The following CEP164 variants were observed in gnomAD, a reference collection of about 807,000 sequenced individuals.
CEP164 encodes the protein centrosomal protein of 164 kDa.
In CEP164, 162 loss-of-function variants were observed where a neutral mutation model predicts 182.7. The observed-to-expected ratio is 0.89, with a 90% confidence interval of 0.78 to 1.01. The LOEUF (loss-of-function observed/expected upper bound fraction) is 1.01, where lower values mean the gene tolerates loss of function less well. Ranked by LOEUF, CEP164 falls within the 50% of genes least tolerant of loss-of-function variation. The pLI is 0.00. For missense variants in CEP164, 1,735 were observed against 1,790.4 expected (o/e 0.97, Z 0.56); for synonymous variants, 661 against 690.0 (o/e 0.96, Z 0.66).
At chr11:117,346,324 A>G (rs1277204792) in intron 4 of CEP164, among the ~76,000 whole-genome samples, 1 of 151,354 alleles carries the variant, frequency 6.6e-6, no homozygotes, top group Non-Finnish European at 1.5e-5. Context: ...GCTGGAGTGC[A>G]ATGGCGCAAT....
intron 8 of CEP164, among the ~76,000 whole-genome samples, chr11:117,367,817 A>G (rs1276184775): frequency 6.6e-6 from 1 of 152,134 alleles, no homozygotes; most frequent in Non-Finnish European, 1.5e-5. Flanking sequence ...GGGAATCTCT[A>G]CCTGTGTCCT....
intron 3 of CEP164, among the ~76,000 whole-genome samples, chr11:117,341,044 C>G: frequency 6.6e-6 from 1 of 152,186 alleles, no homozygotes; most frequent in East Asian, 1.9e-4. Context: ...TCAGGCTGGT[C>G]TTGAACTCTT....
At position 117,409,883 on chromosome 11, in the gene CEP164, A is replaced by G. The variant is rs779287614; in HGVS notation, c.4014A>G (p.Ser1338=). ...TPTSTQWAWD[S]GQGPRLPSSV... ...CGTCCACCCAATGGGCCTGGGATTC[A>G]GGGCAGGGGCCCAGGCTCCCCTCCT... Residue 1338 remains serine, a synonymous_variant, in exon 30 of 33, where the codon TCA becomes TCG. Transcript: ENST00000278935. This position sits in a 1 kb window ranked among gnomAD's most constrained non-coding sequence, Gnocchi z 4.4. The G allele has an allele frequency of 1.2e-6, 2 of 1,605,174 alleles. No homozygotes were observed. Among genetic ancestry groups the G allele is most frequent in the Non-Finnish European group, 8.5e-7 (1 of 1,179,122 alleles).
intron 26 of CEP164, 133 bp downstream of exon 26, chr11:117,396,744 G>C: frequency 1.3e-6 from 1 of 772,652 alleles, no homozygotes; most frequent in Admixed American, 2.1e-5. Flanking sequence ...CATGGGGAAG[G>C]CTCCGGAGGA....
intron 5 of CEP164, among the ~76,000 whole-genome samples, chr11:117,360,894 G>A (rs916387567): frequency 6.6e-6 from 1 of 150,694 alleles, no homozygotes; most frequent in Non-Finnish European, 1.5e-5. Context: ...TGGTAGATGA[G>A]GATTTGTCTC....
At chr11:117,395,479 G>A (rs569092956) in intron 23 of CEP164, 68 bp from the exon 24 acceptor site, 6 of 1,510,244 alleles carry the variant, frequency 4.0e-6, no homozygotes, top group African/African-American at 2.8e-5. Flanking sequence ...CTACCCTCTC[G>A]TGCTGTCTGC....
chr11:117,338,132 A>G (rs2037501355), intron 2 of CEP164, among the ~76,000 whole-genome samples: 1 of 151,952 alleles, frequency 6.6e-6, no homozygotes, highest in African/African-American at 2.4e-5. Context: ...GGCATTTTGG[A>G]TATGAATCGG....
intron 27 of CEP164, among the ~76,000 whole-genome samples, chr11:117,402,015 C>T (rs2097555568): frequency 6.6e-6 from 1 of 151,982 alleles, no homozygotes; most frequent in African/African-American, 2.4e-5. Flanking sequence ...CTTCTGCTAA[C>T]TTTTGAATTT....
Position 117,393,155 on chromosome 11 carries a change from G to GCACACACATGCA in CEP164, c.2616+43_2616+54dup, listed in dbSNP as rs747130548. 78 of 1,603,408 alleles carry GCACACACATGCA rather than the reference G, an allele frequency of 4.9e-5. 1 individual carries two copies. The Admixed American group carries it at 8.6e-4, about 18-fold the overall frequency. ...GCTCAGCCACATCCCCTGCGCGCAT[G>GCACACACATGCA]CACACACATGCACACACACATGCAC... On this transcript the variant is annotated intron_variant, in intron 20 of 32. Coordinates refer to ENST00000278935, the MANE Select transcript of CEP164 (RefSeq NM_014956.5).
chr11:117,378,533 A>G (rs2042987221), intron 11 of CEP164, among the ~76,000 whole-genome samples: 1 of 152,202 alleles, frequency 6.6e-6, no homozygotes, highest in Non-Finnish European at 1.5e-5. Context: ...GGTTTATTTA[A>G]CTGAGGACTG....
intron 11 of CEP164, among the ~76,000 whole-genome samples, chr11:117,379,024 G>T (rs1025348256): frequency 6.6e-6 from 1 of 152,172 alleles, no homozygotes; most frequent in Non-Finnish European, 1.5e-5. Context: ...CTCGACAGGT[G>T]AGAGAGGGAG....
intron 25 of CEP164, 23 bp downstream of exon 25, chr11:117,396,203 G>GTGCCCCAGCCCCCA: frequency 1.3e-6 from 2 of 1,565,510 alleles, no homozygotes; most frequent in Non-Finnish European, 1.8e-6. Flanking sequence ...CTGGGGCCTG[G>GTGCCCCAGCCCCCA]GGGCTGGGGC....
At chr11:117,350,576 G>A (rs144356448) in intron 4 of CEP164, among the ~76,000 whole-genome samples, 2 of 151,828 alleles carry the variant, frequency 1.3e-5, no homozygotes, top group East Asian at 1.9e-4. Flanking sequence ...TTTTTACCCC[G>A]ATATTTTTTT....
chr11:117,396,940 A>G, intron 26 of CEP164, 151 bp from the exon 27 acceptor site: 2 of 717,026 alleles, frequency 2.8e-6, no homozygotes, highest in Non-Finnish European at 4.6e-6. Context: ...GTGGGTATTG[A>G]ACAGTGGCAT....
chr11:117,331,094 A>G (rs2036133324), intron 1 of CEP164, among the ~76,000 whole-genome samples: 1 of 152,216 alleles, frequency 6.6e-6, no homozygotes, highest in South Asian at 2.1e-4. Context: ...AAATAAATAT[A>G]CAGAGAACCC....
Position 117,394,898 on chromosome 11 carries a change from A to G in CEP164, c.2761-22A>G, listed in dbSNP as rs763979569. The G allele has an allele frequency of 6.2e-7, 1 of 1,611,510 alleles. No homozygotes were observed. Among genetic ancestry groups the G allele is most frequent in the Non-Finnish European group, 8.5e-7 (1 of 1,177,874 alleles). The stretch of plus-strand genomic sequence containing the variant: ...AATGCCTTACACTCTTTCTATGCTT[A>G]TGTGTTTCCCTTTCTGGGCAGGAAA... On this transcript the variant is annotated intron_variant, in intron 21 of 32. Transcript: ENST00000278935. This position sits in a 1 kb window ranked among gnomAD's most constrained non-coding sequence, Gnocchi z 4.0.
At chr11:117,378,305 T>C (rs1470000592) in intron 11 of CEP164, among the ~76,000 whole-genome samples, 1 of 152,230 alleles carries the variant, frequency 6.6e-6, no homozygotes, top group Admixed American at 6.5e-5. Context: ...ATTTTTCATG[T>C]ACCTTTCCAG....
intron 11 of CEP164, among the ~76,000 whole-genome samples, chr11:117,379,852 C>CTTTTT (rs58534321): frequency 1.7e-5 from 2 of 116,912 alleles, no homozygotes; most frequent in Non-Finnish European, 3.4e-5. Flanking sequence ...ATAGTTCTTC[C>CTTTTT]TTTTTTTTTT....
intron 1 of CEP164, among the ~76,000 whole-genome samples, chr11:117,330,299 C>T (rs2035997304): frequency 6.6e-6 from 1 of 152,158 alleles, no homozygotes; most frequent in Non-Finnish European, 1.5e-5. Flanking sequence ...AGTTCAGGGC[C>T]ATGTGTAATC....
Sources: allele counts gnomAD v4.1 joint callset (sites outside exome capture counted in the v4.1 genomes callset), GRCh38; gene constraint gnomAD v4.1.1; non-coding constraint Gnocchi (gnomAD v3.1); transcripts MANE v1.5; gene names NCBI Gene and HGNC (gene_info 2026-07-23, HGNC 2026-07-21).